Variants in SLC25A19 observed in about 807,000 individuals in gnomAD.
SLC25A19 encodes mitochondrial thiamine pyrophosphate carrier.
A neutral mutation model predicts 27.9 loss-of-function variants in SLC25A19; 18 were observed. The ratio of observed to expected loss-of-function variants is 0.64; its 90% CI spans 0.45 to 0.96. The LOEUF (loss-of-function observed/expected upper bound fraction) is 0.96. Among genes scored for constraint, SLC25A19 ranks in the 40% least tolerant of loss-of-function variants. The pLI is 0.00. For missense variants in SLC25A19, 371 were observed against 418.3 expected, an observed-to-expected ratio of 0.89 and a Z score of 0.99; for synonymous variants, 169 against 167.1, an observed-to-expected ratio of 1.01 and a Z score of -0.09.
chr17:75,276,778 C>T (rs1372282382), intron 7 of SLC25A19, among the ~76,000 whole-genome samples: 3 of 132,430 alleles, frequency 2.3e-5, no homozygotes, highest in African/African-American at 7.7e-5. Context: ...GGGTTCACAC[C>T]ATTCTCCTGC....
Position 75,283,515 on chromosome 17 carries a change from C to A in SLC25A19, c.367G>T (p.Val123Leu), listed in dbSNP as rs1457220620. 6.2e-7 allele frequency: 1 copy of A among 1,613,792 alleles called. No individual in the cohort carries two copies. Among genetic ancestry groups the A allele is most frequent in the Non-Finnish European group, 8.5e-7 (1 of 1,179,934 alleles). The stretch of plus-strand genomic sequence containing the variant: ...ATACAGGCAGCCAGGCCACCACATA[C>A]AAAGTGCACTGAGAATTCCCGGGCG... Reference protein sequence around the residue: ...YDAREFSVHFVCGGLAACMAT... With the variant: ...YDAREFSVHFLCGGLAACMAT... Residue 123 changes from valine (V) to leucine (L), a missense_variant, in exon 5 of 8, where the codon GTA becomes TTA. Val to Leu is a conservative substitution (Grantham distance 32). Coordinates refer to ENST00000416858, the MANE Select transcript of SLC25A19 (RefSeq NM_001126121.2).
chr17:75,278,296 T>C lies in SLC25A19; in HGVS notation c.499A>G (p.Arg167Gly). The C allele has an allele frequency of 6.2e-7, 1 of 1,614,156 alleles. No individual in the cohort carries two copies. The highest frequency in any genetic ancestry group is 8.5e-7 in the Non-Finnish European group (1 of 1,180,034). ...TAGAAAACCTGGGGGCCTTCGCTCC[T>C]ATACATGGTCCCCACGGCGTGGCGC... is the stretch of plus-strand genomic sequence containing the variant. ...TLRHAVGTMY[R>G]SEGPQVFYKG... The change falls in exon 6 of 8, where the codon AGG becomes GGG. Residue 167 changes from arginine (R) to glycine (G), a missense_variant. By Grantham distance (125) the Arg-to-Gly change is moderately radical. Coordinates refer to ENST00000416858, the MANE Select transcript of SLC25A19 (RefSeq NM_001126121.2).
Position 75,273,583 on chromosome 17 carries a change from G to T in SLC25A19, c.831C>A (p.Gly277=). 6.2e-7 allele frequency: 1 copy of T among 1,613,878 alleles called. No homozygotes were observed. Among genetic ancestry groups the T allele is most frequent in the South Asian group, 1.1e-5 (1 of 91,072 alleles). The change falls in exon 8 of 8, where the codon GGC becomes GGA. Residue 277 remains glycine, a synonymous_variant. Coordinates refer to ENST00000416858, the MANE Select transcript of SLC25A19 (RefSeq NM_001126121.2). ...DCAKQVLQKE[G]ALGFFKGLSP... is the part of the protein sequence containing the mutation. Reference sequence around the variant, plus strand: ...ACAGGCCCTTGAAGAAGCCCAGGGCGCCTTCCTTTTGCAGCACCTGCTTGG... The same window carrying T: ...ACAGGCCCTTGAAGAAGCCCAGGGCTCCTTCCTTTTGCAGCACCTGCTTGG...
intron 5 of SLC25A19, among the ~76,000 whole-genome samples, chr17:75,282,099 G>A (rs73356398): frequency 0.045 from 6,810 of 151,300 alleles, 485 homozygotes; most frequent in African/African-American, 0.15. Context: ...ACGAAACCCC[G>A]TCTCTAAAAA....
At chr17:75,278,741 G>C (rs945128456) in intron 5 of SLC25A19, among the ~76,000 whole-genome samples, 2 of 152,038 alleles carry the variant, frequency 1.3e-5, no homozygotes, top group Non-Finnish European at 2.9e-5. Context: ...CAGCACTTTG[G>C]GGAGGCTGAG....
chr17:75,278,246 G>T lies in SLC25A19; in HGVS notation c.549C>A (p.Ile183=). ...GCAGCCCGGCGTAGGGGAAGATGGC[G>T]ATCAAGGTGGGAGCCAAGCCTTTGT... The part of the protein sequence containing the change: ...VFYKGLAPTL[I]AIFPYAGLQF... The change falls in exon 6 of 8, where the codon ATC becomes ATA. Residue 183 remains isoleucine, a synonymous_variant. Transcript: ENST00000416858. The T allele has an allele frequency of 6.2e-7, 1 of 1,614,062 alleles. No homozygotes were observed. Among genetic ancestry groups the T allele is most frequent in the Non-Finnish European group, 8.5e-7 (1 of 1,180,032 alleles).
At chr17:75,273,866 T>C in intron 7 of SLC25A19, 1 of 465,878 alleles carries the variant, frequency 2.1e-6, no homozygotes, top group Non-Finnish European at 4.0e-6. Flanking sequence ...GTTCAAGTGA[T>C]TCTCCTGCCT....
intron 7 of SLC25A19, among the ~76,000 whole-genome samples, chr17:75,274,445 A>G (rs1044360516): frequency 6.6e-6 from 1 of 152,226 alleles, no homozygotes; most frequent in African/African-American, 2.4e-5. Flanking sequence ...CGACATCATG[A>G]GAAATCAAGT....
Position 75,283,528 on chromosome 17 carries a change from G to T in SLC25A19, c.354C>A (p.Phe118Leu), listed in dbSNP as rs535293962. The T allele has an allele frequency of 6.2e-7, 1 of 1,613,782 alleles. No homozygotes were observed. The highest frequency in any genetic ancestry group is 8.5e-7 in the Non-Finnish European group (1 of 1,179,906). Reference sequence around the variant, plus strand: ...GGCCACCACATACAAAGTGCACTGAGAATTCCCGGGCGTCATACACGCTGC... The same window carrying T: ...GGCCACCACATACAAAGTGCACTGATAATTCCCGGGCGTCATACACGCTGC... Reference protein sequence around the residue: ...HRGSVYDAREFSVHFVCGGLA... With the variant: ...HRGSVYDARELSVHFVCGGLA... Residue 118 changes from phenylalanine (F) to leucine (L), a missense_variant, in exon 5 of 8, where the codon TTC becomes TTA. Phe to Leu is a conservative substitution (Grantham distance 22). Transcript: ENST00000416858.
At chr17:75,289,206 C>G (rs1423426706) in intron 1 of SLC25A19, 148 bp downstream of exon 1, 2 of 152,418 alleles carry the variant, frequency 1.3e-5, no homozygotes, top group African/African-American at 4.8e-5. Flanking sequence ...CCTGGAGATG[C>G]TTCTCTGGTC....
At chr17:75,286,890 C>G in intron 2 of SLC25A19, 88 bp from the exon 3 acceptor site, 2 of 1,261,468 alleles carry the variant, frequency 1.6e-6, no homozygotes, top group South Asian at 2.5e-5. Flanking sequence ...CCCTCCCTGA[C>G]TAGACTGTCT....
At position 75,273,490 on chromosome 17, in the gene SLC25A19, A is replaced by G; in HGVS notation, c.924T>C (p.Asn308=). Residue 308 remains asparagine, a synonymous_variant, in exon 8 of 8, where the codon AAT becomes AAC. Coordinates refer to ENST00000416858, the MANE Select transcript of SLC25A19 (RefSeq NM_001126121.2). The stretch of plus-strand genomic sequence containing the variant: ...CTGTCCTGTTCATGCAGTGGAAGAC[A>G]TTACAGAAGAATTCATACGAGAAGA... The part of the protein sequence containing the change: ...FMFFSYEFFC[N]VFHCMNRTAS... 6.2e-7 allele frequency: 1 copy of G among 1,614,182 alleles called. No homozygotes were observed. The highest frequency in any genetic ancestry group is 2.2e-5 in the East Asian group (1 of 44,886).
intron 5 of SLC25A19, 149 bp from the exon 6 acceptor site, chr17:75,278,484 A>C: frequency 1.2e-6 from 1 of 836,274 alleles, no homozygotes; most frequent in East Asian, 2.6e-5. Flanking sequence ...AACGCTGGAC[A>C]GAGATTCGAA....
chr17:75,276,068 G>A (rs2077879433), intron 7 of SLC25A19, among the ~76,000 whole-genome samples: 2 of 151,978 alleles, frequency 1.3e-5, no homozygotes, highest in Admixed American at 6.5e-5. Flanking sequence ...GAGGTCAGGA[G>A]TTCGAGACCA....
rs771055209 is a variant in SLC25A19, at chr17:75,286,683, C to T, written c.82G>A (p.Val28Ile). The T allele has an allele frequency of 6.2e-6, 10 of 1,614,142 alleles. No individual in the cohort carries two copies. In the South Asian group the frequency reaches 7.7e-5, roughly 12 times the overall value. Residue 28 changes from valine (V) to isoleucine (I), a missense_variant, in exon 3 of 8, where the codon GTT becomes ATT. Val to Ile is a conservative substitution (Grantham distance 29). Coordinates refer to ENST00000416858, the MANE Select transcript of SLC25A19 (RefSeq NM_001126121.2). ...VAVAGSVSGL[V>I]TRALISPFDV... The stretch of plus-strand genomic sequence containing the variant: ...AAGGGACTGATCAGCGCCCGAGTAA[C>T]AAGTCCAGACACAGACCCAGCCACT...
chr17:75,275,074 G>A (rs71380883), intron 7 of SLC25A19, among the ~76,000 whole-genome samples: 2 of 132,160 alleles, frequency 1.5e-5, no homozygotes, highest in South Asian at 2.5e-4. Context: ...CTGCAGCCTC[G>A]AACTCCTGGG....
chr17:75,281,825 G>A (rs1157862209), intron 5 of SLC25A19, among the ~76,000 whole-genome samples: 1 of 152,228 alleles, frequency 6.6e-6, no homozygotes. Flanking sequence ...CATAGCAGTA[G>A]GTTCTGTCTT....
At chr17:75,287,488 C>A (rs1156270555) in intron 2 of SLC25A19, 1 of 152,256 alleles carries the variant, frequency 6.6e-6, no homozygotes, top group Non-Finnish European at 1.5e-5. Flanking sequence ...CGACCTTGGT[C>A]TCATTTGTTC....
chr17:75,287,481 C>T (rs2078210722), intron 2 of SLC25A19: 2 of 152,282 alleles, frequency 1.3e-5, no homozygotes, highest in African/African-American at 4.8e-5. Context: ...GGAAACACGA[C>T]CTTGGTCTCA....
Sources: gnomAD v4.1 joint callset for allele counts (sites outside exome capture counted in the v4.1 genomes callset) on GRCh38, gnomAD v4.1.1 for gene constraint, MANE v1.5 for transcripts, NCBI Gene and HGNC (gene_info 2026-07-23, HGNC 2026-07-21) for gene names.